Variants in RORC observed in about 807,000 individuals in gnomAD.
RORC encodes the protein RAR related orphan receptor C.
Under a neutral mutation model 64.5 loss-of-function variants are expected in RORC, and 13 were observed. That is an observed-to-expected ratio of 0.20 (90% CI 0.13 to 0.32). The LOEUF is 0.32. Among genes scored for constraint, RORC ranks in the 10% least tolerant of loss-of-function variants. The pLI is 1.00. For synonymous variants in RORC, 277 were observed against 259.3 expected, an observed-to-expected ratio of 1.07 and a Z score of -0.65; for missense variants, 468 against 669.5, an observed-to-expected ratio of 0.70 and a Z score of 3.32.
At chr1:151,831,413 G>C (rs74948431) in intron 1 of RORC, among the ~76,000 whole-genome samples, 1 of 152,040 alleles carries the variant, frequency 6.6e-6, no homozygotes, top group Non-Finnish European at 1.5e-5. Flanking sequence ...CTGACCCCTC[G>C]CTGGGTCTAG....
chr1:151,824,560 T>C (rs1165050456), intron 2 of RORC, among the ~76,000 whole-genome samples: 1 of 152,192 alleles, frequency 6.6e-6, no homozygotes, highest in Non-Finnish European at 1.5e-5. Flanking sequence ...GCCCTCCTTA[T>C]CCACCCCAGC....
chr1:151,807,555 T>C lies in RORC; in HGVS notation c.1474A>G (p.Ile492Val), dbSNP rs748965307. 2 of 1,613,408 alleles carry C rather than the reference T, an allele frequency of 1.2e-6. No homozygotes were observed. The highest frequency in any genetic ancestry group is 2.2e-5 in the East Asian group (1 of 44,798). ...RLQIFQHLHP[I>V]VVQAAFPPLY... The stretch of plus-strand genomic sequence containing the variant: ...GGAGGGAAAGCGGCTTGGACCACGA[T>C]GGGGTGGAGGTGCTGGAAGATCTGC... The change falls in exon 11 of 11, where the codon ATC becomes GTC. Residue 492 changes from isoleucine (I) to valine (V), a missense_variant. Ile to Val is a conservative substitution (Grantham distance 29, BLOSUM62 3). Coordinates refer to ENST00000318247, the MANE Select transcript of RORC (RefSeq NM_005060.4). This position sits in a 1 kb window ranked among gnomAD's most constrained non-coding sequence, Gnocchi z 5.0.
rs1372481301 is a variant in RORC, at chr1:151,831,707, G to A, written c.40+18C>T. 1.2e-6 allele frequency: 2 copies of A among 1,611,044 alleles called. No homozygotes were observed. Among genetic ancestry groups the A allele is most frequent in the East Asian group, 2.2e-5 (1 of 44,872 alleles). On this transcript the variant is annotated intron_variant, in intron 1 of 10. Transcript: ENST00000318247. Reference sequence around the variant, plus strand: ...CAGCAGTCTCTTCCACCTGCAGGCAGGGCCATGGGCCTCTTACCCCGTGAG... The same window carrying A: ...CAGCAGTCTCTTCCACCTGCAGGCAAGGCCATGGGCCTCTTACCCCGTGAG...
At chr1:151,826,533 C>A (rs1337515634) in intron 2 of RORC, among the ~76,000 whole-genome samples, 1 of 152,184 alleles carries the variant, frequency 6.6e-6, no homozygotes, top group Non-Finnish European at 1.5e-5. Context: ...TGTGGTGCAG[C>A]CTGGGGGGCT....
chr1:151,827,948 C>T (rs1380696589), intron 2 of RORC, among the ~76,000 whole-genome samples: 1 of 151,930 alleles, frequency 6.6e-6, no homozygotes, highest in Non-Finnish European at 1.5e-5. Flanking sequence ...ACATAAGGTC[C>T]GTGACCCCCC....
At chr1:151,828,588 C>T (rs1375456730) in intron 2 of RORC, among the ~76,000 whole-genome samples, 1 of 152,208 alleles carries the variant, frequency 6.6e-6, no homozygotes, top group African/African-American at 2.4e-5. Context: ...AGATAAAGCT[C>T]TCCTGCTCTC....
chr1:151,814,854 G>A (rs2101658413), intron 5 of RORC, 59 bp downstream of exon 5: 2 of 1,574,312 alleles, frequency 1.3e-6, no homozygotes, highest in East Asian at 2.2e-5. Context: ...TTGATACGGG[G>A]TACTGGTGGA....
At position 151,815,196 on chromosome 1, in the gene RORC, G is replaced by A. The variant is rs1482122648; in HGVS notation, c.528C>T (p.Leu176=). 1.2e-6 allele frequency: 2 copies of A among 1,614,090 alleles called. No individual in the cohort carries two copies. Among genetic ancestry groups the A allele is most frequent in the Non-Finnish European group, 1.7e-6 (2 of 1,179,976 alleles). ...LPEASACPPG[L]LKASGSGPSY... is the part of the protein sequence containing the mutation. ...AGGGCCCAGAGCCTGAGGCTTTCAG[G>A]AGGCCAGGGGGACAGGCAGAAGCCT... Residue 176 remains leucine (L), a synonymous_variant, in exon 5 of 11, where the codon CTC becomes CTT. Coordinates refer to ENST00000318247, the MANE Select transcript of RORC (RefSeq NM_005060.4).
chr1:151,815,655 C>A (rs1056115171), intron 4 of RORC, among the ~76,000 whole-genome samples: 1 of 152,222 alleles, frequency 6.6e-6, no homozygotes, highest in African/African-American at 2.4e-5. Flanking sequence ...TAAGCAAAAT[C>A]TTCTAAGTTC....
At chr1:151,826,101 G>C (rs1350142692) in intron 2 of RORC, 1 of 1,426,012 alleles carries the variant, frequency 7.0e-7, no homozygotes. Flanking sequence ...TGGACTGGGG[G>C]GTTTAAGCTC....
At chr1:151,813,739 C>T (rs951284013) in intron 6 of RORC, 119 bp from the exon 7 acceptor site, 14 of 1,152,456 alleles carry the variant, frequency 1.2e-5, no homozygotes, top group Non-Finnish European at 1.6e-5. Flanking sequence ...ATGTTCTCAA[C>T]TAGCATTTTC....
intron 9 of RORC, 163 bp from the exon 10 acceptor site, chr1:151,811,597 G>A (rs564215980): frequency 2.3e-4 from 113 of 483,638 alleles, no homozygotes; most frequent in South Asian, 1.4e-3. Flanking sequence ...TCTGGACGTT[G>A]GGCTTGGCTA....
At chr1:151,827,556 T>C (rs1652243105) in intron 2 of RORC, among the ~76,000 whole-genome samples, 1 of 151,788 alleles carries the variant, frequency 6.6e-6, no homozygotes, top group Non-Finnish European at 1.5e-5. Context: ...CATCTTGGGG[T>C]TGTCTCAATT....
rs1206772894 is a variant in RORC at position 151,829,416 on chromosome 1, AC to A, written c.70+12del. 1.3e-6 allele frequency: 2 copies of A among 1,535,206 alleles called. No individual in the cohort carries two copies. Among genetic ancestry groups the A allele is most frequent in the African/African-American group, 1.4e-5 (1 of 69,206 alleles). On this transcript the variant is annotated intron_variant, in intron 2 of 10. Coordinates refer to ENST00000318247, the MANE Select transcript of RORC (RefSeq NM_005060.4). ...TGCCCCAGCCATTTTCTTGCCCCGG[AC>A]CCCCTACTCACAGGTGTGGGTCTTC...
At chr1:151,820,008 G>C (rs1323038427) in intron 2 of RORC, among the ~76,000 whole-genome samples, 1 of 152,172 alleles carries the variant, frequency 6.6e-6, no homozygotes, top group African/African-American at 2.4e-5. Flanking sequence ...AGGAAAAACA[G>C]AGACATAGAT....
Position 151,806,719 on chromosome 1 carries a change from C to G in RORC, c.*753G>C, listed in dbSNP as rs201959142. The G allele has an allele frequency of 6.6e-6, 1 of 152,186 alleles. No individual in the cohort carries two copies. Among genetic ancestry groups the G allele is most frequent in the African/African-American group, 2.4e-5 (1 of 41,426 alleles). The allele number at this position is 152,186 out of a possible 1,614,324, so 9.4% of individuals were successfully genotyped here. On this transcript the variant is annotated 3_prime_UTR_variant, in exon 11 of 11. Transcript: ENST00000318247. ...CTGTGTATGGATATGTGTCTCTGAT[C>G]AGATTTGTGCCAGCCCCTAAAGTCT... is the stretch of plus-strand genomic sequence containing the variant.
intron 2 of RORC, among the ~76,000 whole-genome samples, chr1:151,820,166 A>G (rs1651931796): frequency 6.6e-6 from 1 of 151,840 alleles, no homozygotes; most frequent in Non-Finnish European, 1.5e-5. Context: ...CACTCCCTTC[A>G]ATGCCATCCA....
At chr1:151,811,253 G>C in intron 10 of RORC, 72 bp downstream of exon 10, 1 of 951,982 alleles carries the variant, frequency 1.1e-6, no homozygotes, top group South Asian at 1.4e-5. Flanking sequence ...CACAGACCCC[G>C]GCCCTCGCAA....
Position 151,811,328 on chromosome 1 carries a change from T to G in RORC, c.1392A>C (p.Ala464=), listed in dbSNP as rs1303841794. The G allele has an allele frequency of 1.9e-6, 3 of 1,609,818 alleles. No homozygotes were observed. The highest frequency in any genetic ancestry group is 4.5e-5 in the East Asian group (2 of 44,864). The part of the protein sequence containing the change: ...LCKTHRQSIL[A]KLPPKGKLRS... ...CTACCCCAGGGACTGCTCCTACCTT[T>G]GCCAGGATGCTTTGGCGATGAGTCT... Residue 464 remains alanine (A), a synonymous_variant, in exon 10 of 11, where the codon GCA becomes GCC. Transcript: ENST00000318247.
Sources: gnomAD v4.1 joint callset for allele counts (sites outside exome capture counted in the v4.1 genomes callset) on GRCh38, gnomAD v4.1.1 for gene constraint, Gnocchi (gnomAD v3.1) non-coding constraint, MANE v1.5 for transcripts, NCBI Gene and HGNC (gene_info 2026-07-23, HGNC 2026-07-21) for gene names.